Variants in ACSBG1 observed in about 807,000 individuals in gnomAD.
ACSBG1 encodes the protein long-chain-fatty-acid--CoA ligase ACSBG1.
A neutral mutation model predicts 80.2 loss-of-function variants in ACSBG1; 39 were observed. That is an observed-to-expected ratio of 0.49 (90% confidence interval 0.38 to 0.64). ACSBG1 has a LOEUF of 0.64. Among genes scored for constraint, ACSBG1 ranks in the 30% least tolerant of loss-of-function variants. The pLI, the probability that ACSBG1 is intolerant of heterozygous loss-of-function variation, is 0.00. For missense variants in ACSBG1, 828 were observed against 966.4 expected (o/e 0.86, Z 1.90); for synonymous variants, 392 against 379.5 (o/e 1.03, Z -0.38).
At chr15:78,226,703 G>A (rs1381654957) in intron 1 of ACSBG1, 1 of 151,974 alleles carries the variant, frequency 6.6e-6, no homozygotes, top group Non-Finnish European at 1.5e-5. Context: ...AGAAAATCAA[G>A]AAATAGGCTG....
At chr15:78,201,554 G>T (rs1472530359) in intron 2 of ACSBG1, among the ~76,000 whole-genome samples, 1 of 152,210 alleles carries the variant, frequency 6.6e-6, no homozygotes, top group Non-Finnish European at 1.5e-5. Flanking sequence ...CTCAGCCTTG[G>T]GTGCCAGCTG....
At position 78,181,906 on chromosome 15, in the gene ACSBG1, A is replaced by G. The variant is rs8027212; in HGVS notation, c.1071+63T>C. On this transcript the variant is annotated intron_variant, in intron 8 of 13. Transcript: ENST00000258873. ...ACACACAAATGCACTCAGGGCCCAC[A>G]GACACATGTGGACGTGGCCTGGCAC... 1.4e-3 allele frequency: 2,174 copies of G among 1,566,904 alleles called. 29 individuals carry two copies. In the African/African-American group the frequency reaches 0.026, roughly 19 times the overall value.
At chr15:78,218,205 C>T (rs1270167982) in intron 1 of ACSBG1, among the ~76,000 whole-genome samples, 1 of 143,904 alleles carries the variant, frequency 6.9e-6, no homozygotes, top group Non-Finnish European at 1.5e-5. Flanking sequence ...AATTCTCTAC[C>T]TTTCTTCCAG....
intron 10 of ACSBG1, among the ~76,000 whole-genome samples, chr15:78,179,152 A>G (rs2074914705): frequency 6.6e-6 from 1 of 152,124 alleles, no homozygotes; most frequent in Non-Finnish European, 1.5e-5. Flanking sequence ...CTCACCGTCC[A>G]TTAGGAGGCT....
chr15:78,175,024 A>G (rs2074868933), intron 11 of ACSBG1, among the ~76,000 whole-genome samples: 1 of 152,246 alleles, frequency 6.6e-6, no homozygotes, highest in Non-Finnish European at 1.5e-5. Context: ...AACTTGTCCA[A>G]GCTCACATGC....
chr15:78,212,497 G>T, intron 1 of ACSBG1: 2 of 453,798 alleles, frequency 4.4e-6, no homozygotes, highest in East Asian at 7.0e-5. Flanking sequence ...CTTTCCCTGG[G>T]AGACTGGCTG....
chr15:78,228,453 C>T (rs1195355377), intron 1 of ACSBG1, among the ~76,000 whole-genome samples: 1 of 152,206 alleles, frequency 6.6e-6, no homozygotes, highest in Non-Finnish European at 1.5e-5. Flanking sequence ...GCCTTGTACT[C>T]TGCCATTCAG....
In ACSBG1 at chr15:78,179,707, C is replaced by T. The variant is rs1445790458; in HGVS notation, c.1327G>A (p.Ala443Thr). ...CCATAGAAGTTCTTTTGACACTTGG[C>T]AAATCCCAGTGCCTGGCGAACCTTG... ...LAKVRQALGF[A>T]KCQKNFYGAA... The change falls in exon 10 of 14, where the codon GCC (alanine) becomes ACC (threonine). Residue 443 changes from alanine to threonine, a missense_variant. Transcript: ENST00000258873. 6.2e-7 allele frequency: 1 copy of T among 1,614,114 alleles called. No homozygotes were observed. Among genetic ancestry groups the T allele is most frequent in the Admixed American group, 1.7e-5 (1 of 60,008 alleles).
chr15:78,186,825 A>G lies in ACSBG1; in HGVS notation c.664-4040T>C, dbSNP rs150909663. On this transcript the variant is annotated intron_variant, in intron 5 of 13. Coordinates refer to ENST00000258873, the MANE Select transcript of ACSBG1 (RefSeq NM_015162.5). ...AGAAGGCAAGAAATAACTAAAATCAAAGCAGAACTGAATGAAATAGAGACA... is the reference window on the plus strand; with the variant it reads ...AGAAGGCAAGAAATAACTAAAATCAGAGCAGAACTGAATGAAATAGAGACA... 8.7e-3 allele frequency among the ~76,000 whole-genome samples: 1,322 copies of G among 152,258 alleles called. 21 individuals carry two copies. Among genetic ancestry groups the G allele is most frequent in the African/African-American group, 0.03 (1,235 of 41,520 alleles).
At chr15:78,234,349 A>G (rs201859440) in intron 1 of ACSBG1, 22 bp downstream of exon 1, 2 of 1,606,414 alleles carry the variant, frequency 1.2e-6, no homozygotes, top group African/African-American at 2.7e-5. Flanking sequence ...TGCAGTGTGC[A>G]GAAACCCAAC....
intron 11 of ACSBG1, chr15:78,174,789 A>C: frequency 4.1e-6 from 2 of 493,184 alleles, no homozygotes; most frequent in Non-Finnish European, 7.3e-6. Context: ...CATCTCATCC[A>C]TGGCCCCCTT....
rs201980864 is a variant in ACSBG1 at position 78,194,461 on chromosome 15, C to T, written c.453+45G>A. 5.1e-5 allele frequency: 81 copies of T among 1,589,018 alleles called. No individual in the cohort carries two copies. The East Asian group carries it at 1.8e-3, about 36-fold the overall frequency. On this transcript the variant is annotated intron_variant, in intron 3 of 13. Transcript: ENST00000258873. ...GCCTGTGAGGCCCAGAGCTGGGAGG[C>T]ACATCTGGGGAGGGGCAAGGCCTTG...
intron 1 of ACSBG1, 110 bp downstream of exon 1, chr15:78,234,261 A>G: frequency 1.4e-6 from 2 of 1,444,212 alleles, no homozygotes; most frequent in Non-Finnish European, 1.9e-6. Flanking sequence ...TTCCCAGGTG[A>G]AGAAACTGAG....
intron 1 of ACSBG1, among the ~76,000 whole-genome samples, chr15:78,214,375 G>C (rs1358856504): frequency 6.6e-6 from 1 of 152,196 alleles, no homozygotes; most frequent in East Asian, 1.9e-4. Context: ...CGTGAGTGAG[G>C]TTTGGATGAG....
chr15:78,195,163 C>A (rs948457608), intron 2 of ACSBG1, among the ~76,000 whole-genome samples: 1 of 152,174 alleles, frequency 6.6e-6, no homozygotes, highest in Non-Finnish European at 1.5e-5. Context: ...AAGAGAACGA[C>A]CCTCCCGAGG....
In ACSBG1 at chr15:78,167,530, T is replaced by G. The variant is rs2074759596; in HGVS notation, c.*3914A>C. ...ATATGCATAACATAAAATTTGCCAT[T>G]TTAGCCGTATTTAGGTATACAGTTC... is the stretch of plus-strand genomic sequence containing the variant. On this transcript the variant is annotated 3_prime_UTR_variant, in exon 14 of 14. Coordinates refer to ENST00000258873, the MANE Select transcript of ACSBG1 (RefSeq NM_015162.5). The G allele has an allele frequency of 6.6e-6, 1 of 152,230 alleles. No individual in the cohort carries two copies. Among genetic ancestry groups the G allele is most frequent in the Admixed American group, 6.5e-5 (1 of 15,288 alleles). The allele number at this position is 152,230 out of a possible 1,614,324, so 9.4% of individuals were successfully genotyped here. A position where few individuals can be genotyped will look rare whatever the true frequency, so the allele number is the denominator to read the frequency against.
In ACSBG1 at chr15:78,178,784, T is replaced by C; in HGVS notation, c.1532A>G (p.Asp511Gly). ...GCAGATCTCGCCAATGCCCTCTGCGTCCTGGTTCACCAGCTTCACCCGACA... is the reference window on the plus strand; with the variant it reads ...GCAGATCTCGCCAATGCCCTCTGCGCCCTGGTTCACCAGCTTCACCCGACA... ...PGCRVKLVNQ[D>G]AEGIGEICLW... The change falls in exon 11 of 14, where the codon GAC (aspartate) becomes GGC (glycine). Residue 511 changes from aspartate (D) to glycine (G), a missense_variant. Transcript: ENST00000258873. This position sits in a 1 kb window ranked among gnomAD's most constrained non-coding sequence, Gnocchi z 4.3. 1 of 1,613,936 alleles carries C rather than the reference T, an allele frequency of 6.2e-7. No homozygotes were observed.
At chr15:78,194,423 A>G (rs959661281) in intron 3 of ACSBG1, 83 bp downstream of exon 3, 2 of 1,289,366 alleles carry the variant, frequency 1.6e-6, no homozygotes, top group African/African-American at 2.9e-5. Context: ...CCCAGTGGGC[A>G]GTTGGAGAGG....
intron 12 of ACSBG1, 86 bp downstream of exon 12, chr15:78,174,299 C>T (rs2074859174): frequency 1.3e-6 from 2 of 1,565,800 alleles, no homozygotes; most frequent in Non-Finnish European, 1.8e-6. Flanking sequence ...TCTGGATGTG[C>T]CCTGTGCTGA....
Sources: gnomAD v4.1 joint callset for allele counts (sites outside exome capture counted in the v4.1 genomes callset) on GRCh38, gnomAD v4.1.1 for gene constraint, Gnocchi (gnomAD v3.1) non-coding constraint, MANE v1.5 for transcripts, NCBI Gene and HGNC (gene_info 2026-07-23, HGNC 2026-07-21) for gene names.